MTA3: variants seen among roughly 807,000 people sequenced by gnomAD.
MTA3 encodes metastasis associated 1 family member 3.
A neutral mutation model predicts 83.5 loss-of-function variants in MTA3; 34 were observed. The ratio of observed to expected loss-of-function variants is 0.41; its 90% CI spans 0.31 to 0.54. MTA3 has a LOEUF of 0.54. Among genes scored for constraint, MTA3 ranks in the 20% least tolerant of loss-of-function variants. The pLI, the probability that MTA3 is intolerant of heterozygous loss-of-function variation, is 0.33. For synonymous variants in MTA3, 303 were observed against 252.7 expected (o/e 1.20, Z -1.89); for missense variants, 761 against 726.4 (o/e 1.05, Z -0.55).
chr2:42,608,294 C>T (rs1318561526), intron 3 of MTA3, among the ~76,000 whole-genome samples: 1 of 152,174 alleles, frequency 6.6e-6, no homozygotes, highest in African/African-American at 2.4e-5. Flanking sequence ...AGTGCCAATG[C>T]AGCAGCAACT....
At chr2:42,537,083 C>T (rs956976536) in intron 2 of MTA3, among the ~76,000 whole-genome samples, 2 of 152,038 alleles carry the variant, frequency 1.3e-5, no homozygotes, top group African/African-American at 4.8e-5. Flanking sequence ...AGTGTAAGCC[C>T]CAGGTTATGC....
intron 2 of MTA3, among the ~76,000 whole-genome samples, chr2:42,541,474 C>A (rs759303699): frequency 1.3e-5 from 2 of 152,208 alleles, no homozygotes; most frequent in Non-Finnish European, 2.9e-5. Flanking sequence ...GTACTGTTCT[C>A]AATACATTCC....
At chr2:42,622,536 T>C (rs1459058786) in intron 4 of MTA3, among the ~76,000 whole-genome samples, 1 of 152,230 alleles carries the variant, frequency 6.6e-6, no homozygotes, top group Non-Finnish European at 1.5e-5. Context: ...AATTAGTAAA[T>C]GTTAAGTTTC....
chr2:42,611,597 C>T (rs1327522619), intron 4 of MTA3, among the ~76,000 whole-genome samples: 1 of 151,998 alleles, frequency 6.6e-6, no homozygotes, highest in Admixed American at 6.6e-5. Flanking sequence ...AGGAGGATTG[C>T]ATGATGCCAG....
At chr2:42,634,973 C>T (rs1172647745) in intron 4 of MTA3, among the ~76,000 whole-genome samples, 1 of 151,902 alleles carries the variant, frequency 6.6e-6, no homozygotes, top group African/African-American at 2.4e-5. Context: ...CTTTTGTTTT[C>T]CATGGAGTTT....
chr2:42,538,575 G>A (rs1264035999), intron 2 of MTA3, among the ~76,000 whole-genome samples: 1 of 151,936 alleles, frequency 6.6e-6, no homozygotes, highest in South Asian at 2.1e-4. Flanking sequence ...GGGCGTGGTA[G>A]TGGGCACCTG....
chr2:42,547,399 C>G (rs1274801397), intron 2 of MTA3, among the ~76,000 whole-genome samples: 2 of 152,270 alleles, frequency 1.3e-5, no homozygotes, highest in Non-Finnish European at 2.9e-5. Context: ...GCAATCTCTG[C>G]TCACTGCAAC....
chr2:42,747,264 T>C lies in MTA3; in HGVS notation c.1760-6110T>C, dbSNP rs937763713. On this transcript the variant is annotated intron_variant, in intron 16 of 16. Coordinates refer to ENST00000405094, the MANE Select transcript of MTA3 (RefSeq NM_001330442.2). ...ATCCGCCCACCTCAGCCCCCGAAAG[T>C]GCTGGGATTACAGGTGTGAGCCACT... Among the ~76,000 whole-genome samples, 4 of 152,174 alleles carry C rather than the reference T, an allele frequency of 2.6e-5. No homozygotes were observed. In the South Asian group the frequency reaches 8.3e-4, roughly 32 times the overall value.
chr2:42,756,565 G>A lies in MTA3; in HGVS notation c.*3166G>A, dbSNP rs1231271717. 1 of 985,894 alleles carries A rather than the reference G, an allele frequency of 1.0e-6. No individual in the cohort carries two copies. The highest frequency in any genetic ancestry group is 1.1e-4 in the East Asian group (1 of 8,816). 61.1% of individuals were successfully genotyped at this position (985,894 alleles called of 1,614,324 possible). On this transcript the variant is annotated 3_prime_UTR_variant, in exon 17 of 17. Transcript: ENST00000405094. ...AAGTCCCTGGCGAGGGGAGGTGGAG[G>A]AGCTGCCCCGTGGGTGTTTGGAGAT...
chr2:42,585,897 A>G (rs1233512065), intron 3 of MTA3, among the ~76,000 whole-genome samples: 1 of 152,204 alleles, frequency 6.6e-6, no homozygotes. Context: ...ATGATTGAGC[A>G]ATTGCATTCC....
At chr2:42,606,063 G>T (rs1391185447) in intron 3 of MTA3, among the ~76,000 whole-genome samples, 3 of 121,490 alleles carry the variant, frequency 2.5e-5, no homozygotes, top group East Asian at 2.6e-4. Context: ...CTGGCCGGGT[G>T]GGGGGGCTGA....
upstream of MTA3, among the ~76,000 whole-genome samples, chr2:42,565,621 C>T (rs528015304): frequency 6.6e-6 from 1 of 152,190 alleles, no homozygotes; most frequent in East Asian, 1.9e-4. Context: ...CTGAGAGACA[C>T]TTCTTCCTTA....
At chr2:42,580,294 C>G (rs557491791) in intron 3 of MTA3, among the ~76,000 whole-genome samples, 26 of 151,818 alleles carry the variant, frequency 1.7e-4, no homozygotes, top group African/African-American at 5.1e-4. Flanking sequence ...TTTTTCCCCC[C>G]CTTCTTTTCA....
intron 4 of MTA3, among the ~76,000 whole-genome samples, chr2:42,639,476 C>G (rs978443668): frequency 6.6e-6 from 1 of 152,066 alleles, no homozygotes; most frequent in East Asian, 1.9e-4. Flanking sequence ...ATGCCTCTAC[C>G]TACATAACCT....
chr2:42,587,442 T>C (rs1313701828), intron 3 of MTA3, among the ~76,000 whole-genome samples: 1 of 152,164 alleles, frequency 6.6e-6, no homozygotes, highest in Non-Finnish European at 1.5e-5. Flanking sequence ...ATTACTAGCT[T>C]CTGGTGTCTT....
rs372932707 is a variant in MTA3 at position 42,639,374 on chromosome 2, T to G, written c.318-799T>G. ...TGAGCCCTGACCAGTATTTGTAACTTGAATAATCTTCAAAATGCTCCTGTC... is the reference window on the plus strand; with the variant it reads ...TGAGCCCTGACCAGTATTTGTAACTGGAATAATCTTCAAAATGCTCCTGTC... On this transcript the variant is annotated intron_variant, in intron 4 of 16. Transcript: ENST00000405094. 4.7e-4 allele frequency among the ~76,000 whole-genome samples: 71 copies of G among 152,304 alleles called. 3 individuals carry two copies. The South Asian group carries it at 0.014, about 31-fold the overall frequency.
At chr2:42,647,685 C>G (rs1462687426) in intron 6 of MTA3, among the ~76,000 whole-genome samples, 2 of 152,126 alleles carry the variant, frequency 1.3e-5, no homozygotes, top group Non-Finnish European at 2.9e-5. Context: ...CTAACAAAAA[C>G]AACAGATTTA....
chr2:42,604,795 A>G (rs1683039341), intron 3 of MTA3, among the ~76,000 whole-genome samples: 1 of 148,556 alleles, frequency 6.7e-6, no homozygotes, highest in Admixed American at 6.7e-5. Context: ...CTTAACGAGC[A>G]TGCTGCCTTC....
chr2:42,548,865 T>TATATATATA lies in MTA3; in HGVS notation c.-140-21571_-140-21563dup, dbSNP rs1309785489. Among the ~76,000 whole-genome samples, 11 of 13,218 alleles carry TATATATATA rather than the reference T, an allele frequency of 8.3e-4. 1 individual carries two copies. The highest frequency in any genetic ancestry group is 3.1e-3 in the Admixed American group (2 of 646). The allele number at this position is 13,218 out of a possible 152,430, so 8.7% of individuals were successfully genotyped here. On this transcript the variant is annotated intron_variant, in intron 2 of 17. Transcript: ENST00000405592. Reference sequence around the variant, plus strand: ...ATATATAATATATATATATAATATATATATATATATAATATATATATATAT... The same window carrying TATATATATA: ...ATATATAATATATATATATAATATATATATATATAATATATATATAATATATATATATAT...
Sources: gnomAD v4.1 joint callset for allele counts (sites outside exome capture counted in the v4.1 genomes callset) on GRCh38, gnomAD v4.1.1 for gene constraint, MANE v1.5 for transcripts, NCBI Gene and HGNC (gene_info 2026-07-23, HGNC 2026-07-21) for gene names.